Variants in SYNE2 observed in about 807,000 individuals in gnomAD.
SYNE2 encodes nesprin-2.
SYNE2 carries 431 observed loss-of-function variants against 856.3 expected under a neutral mutation model. The observed-to-expected ratio is 0.50, with a 90% CI of 0.47 to 0.55. The LOEUF is 0.55. Ranked by LOEUF, SYNE2 falls within the 20% of genes least tolerant of loss-of-function variation. The pLI is 0.00. For synonymous variants in SYNE2, 2,923 were observed against 2,872.3 expected (o/e 1.02, Z -0.56); for missense variants, 8,129 against 8,023.2 (o/e 1.01, Z -0.50).
At chr14:63,895,655 G>C (rs375040911) in intron 1 of SYNE2, among the ~76,000 whole-genome samples, 1 of 149,624 alleles carries the variant, frequency 6.7e-6, no homozygotes, top group Non-Finnish European at 1.5e-5. Context: ...ATTGTCCCAG[G>C]TACTCAAGAG....
In SYNE2 at chr14:64,055,297, C is replaced by G. The variant is rs571990078; in HGVS notation, c.9745-647C>G. On this transcript the variant is annotated intron_variant, in intron 48 of 115. Transcript: ENST00000555002. ...ACAAGAGTTCCAAAGCAGGAAGATACATTAATAGACATTATTCTTGAGATG... is the reference window on the plus strand; with the variant it reads ...ACAAGAGTTCCAAAGCAGGAAGATAGATTAATAGACATTATTCTTGAGATG... 5.3e-5 allele frequency among the ~76,000 whole-genome samples: 8 copies of G among 151,308 alleles called. No homozygotes were observed. The South Asian group carries it at 1.7e-3, about 32-fold the overall frequency.
chr14:64,081,476 C>G lies in SYNE2; in HGVS notation c.11380C>G (p.Leu3794Val). ...TVKMEEYSDL[L>V]KSTEAWIENT... ...TAAGATGGAGGAATATAGTGACCTT[C>G]TGAAGAGCACTGAGGCTTGGATAGA... The change falls in exon 57 of 116, where the codon CTG becomes GTG. Residue 3794 changes from leucine (L) to valine (V), a missense_variant. This residue lies in a region of SYNE2 where 5,410 missense variants were observed against 5,284.8 expected (regional missense o/e 1.02). Transcript: ENST00000555002. 6.2e-7 allele frequency: 1 copy of G among 1,614,184 alleles called. No homozygotes were observed. Among genetic ancestry groups the G allele is most frequent in the Non-Finnish European group, 8.5e-7 (1 of 1,180,036 alleles).
intron 45 of SYNE2, among the ~76,000 whole-genome samples, chr14:64,032,352 C>T (rs932575283): frequency 1.3e-5 from 2 of 152,006 alleles, no homozygotes; most frequent in Admixed American, 6.6e-5. Flanking sequence ...TGGAGGATCC[C>T]TTGAGACCAG....
intron 65 of SYNE2, among the ~76,000 whole-genome samples, chr14:64,112,675 C>T (rs900105407): frequency 6.6e-6 from 1 of 152,134 alleles, no homozygotes; most frequent in African/African-American, 2.4e-5. Context: ...TTCGAGTATG[C>T]AGAAGGGGAA....
At chr14:63,794,548 A>G (rs1164734734) in intron 1 of SYNE2, among the ~76,000 whole-genome samples, 1 of 152,222 alleles carries the variant, frequency 6.6e-6, no homozygotes, top group Non-Finnish European at 1.5e-5. Context: ...CTACACAGAA[A>G]ATCTTACAAC....
intron 11 of SYNE2, among the ~76,000 whole-genome samples, chr14:63,972,845 G>A (rs1291004929): frequency 6.6e-6 from 1 of 152,164 alleles, no homozygotes; most frequent in African/African-American, 2.4e-5. Context: ...TGAACTAGAG[G>A]TATTGCTCTT....
intron 1 of SYNE2, among the ~76,000 whole-genome samples, chr14:63,884,631 T>C (rs1356115656): frequency 1.3e-5 from 2 of 151,370 alleles, no homozygotes; most frequent in East Asian, 3.9e-4. Context: ...GGTGAGAGAG[T>C]GTGTGCAAAG....
intron 26 of SYNE2, among the ~76,000 whole-genome samples, chr14:63,998,604 C>G (rs1465477556): frequency 1.3e-5 from 2 of 151,946 alleles, no homozygotes; most frequent in Admixed American, 1.3e-4. Flanking sequence ...TTCTGTCGCC[C>G]AGGCTGGAGT....
chr14:64,143,057 A>G (rs1348791369), intron 82 of SYNE2, among the ~76,000 whole-genome samples: 1 of 152,226 alleles, frequency 6.6e-6, no homozygotes, highest in African/African-American at 2.4e-5. Flanking sequence ...TTTATGTACC[A>G]TCACATCCTA....
At chr14:63,974,261 C>T (rs559341805) in intron 11 of SYNE2, among the ~76,000 whole-genome samples, 2 of 152,278 alleles carry the variant, frequency 1.3e-5, no homozygotes, top group African/African-American at 4.8e-5. Flanking sequence ...ATTTGGCTCA[C>T]GTTTCTGCTT....
At chr14:64,212,755 C>T in intron 104 of SYNE2, 56 bp from the exon 105 acceptor site, 1 of 1,514,144 alleles carries the variant, frequency 6.6e-7, no homozygotes, top group South Asian at 1.1e-5. Flanking sequence ...AAGAAACAGG[C>T]AGTGGAAGCT....
At chr14:64,140,713 A>G (rs1359792937) in intron 80 of SYNE2, among the ~76,000 whole-genome samples, 2 of 152,250 alleles carry the variant, frequency 1.3e-5, no homozygotes, top group Non-Finnish European at 2.9e-5. Context: ...TATTGTAAAC[A>G]AAATTGATAT....
chr14:64,186,986 C>G (rs1251238223), intron 97 of SYNE2, among the ~76,000 whole-genome samples: 1 of 152,160 alleles, frequency 6.6e-6, no homozygotes, highest in Non-Finnish European at 1.5e-5. Context: ...TTCATGCCCA[C>G]CAGGCATGGG....
chr14:63,906,934 A>G (rs2095415911), intron 1 of SYNE2, among the ~76,000 whole-genome samples: 1 of 152,188 alleles, frequency 6.6e-6, no homozygotes, highest in Non-Finnish European at 1.5e-5. Context: ...CACATGGTAG[A>G]ACGGGTAAGG....
intron 100 of SYNE2, among the ~76,000 whole-genome samples, chr14:64,207,459 G>C (rs1435560175): frequency 6.6e-6 from 1 of 151,744 alleles, no homozygotes. Context: ...TGCTTGGGAG[G>C]CTGATGTGGG....
intron 2 of SYNE2, among the ~76,000 whole-genome samples, chr14:63,925,099 C>A (rs2095647756): frequency 6.6e-6 from 1 of 151,672 alleles, no homozygotes. Flanking sequence ...CCCAGGAGTT[C>A]AAGACCAGCT....
intron 6 of SYNE2, among the ~76,000 whole-genome samples, chr14:63,947,712 C>T (rs977545692): frequency 2.0e-5 from 3 of 152,124 alleles, no homozygotes; most frequent in African/African-American, 7.2e-5. Context: ...TGGTGCATGC[C>T]TGTAATTCCA....
intron 2 of SYNE2, among the ~76,000 whole-genome samples, chr14:63,925,716 G>C (rs1467847593): frequency 6.6e-6 from 1 of 152,126 alleles, no homozygotes; most frequent in Non-Finnish European, 1.5e-5. Context: ...ATCTCTATGA[G>C]TTCAGTTGTT....
At chr14:63,846,403 T>C (rs146240907) in intron 1 of SYNE2, among the ~76,000 whole-genome samples, 103 of 152,314 alleles carry the variant, frequency 6.8e-4, no homozygotes, top group African/African-American at 2.1e-3. Flanking sequence ...TCTTTCATTT[T>C]TAGCAATAGA....
Sources: allele counts gnomAD v4.1 joint callset (sites outside exome capture counted in the v4.1 genomes callset), GRCh38; gene constraint gnomAD v4.1.1; regional missense constraint gnomAD v4.1.1; transcripts MANE v1.5; gene names NCBI Gene and HGNC (gene_info 2026-07-23, HGNC 2026-07-21).